DCC: variants seen among roughly 807,000 people sequenced by gnomAD.
The protein encoded by DCC is netrin receptor DCC.
Under a neutral mutation model 172.5 loss-of-function variants are expected in DCC, and 58 were observed. That is an observed-to-expected ratio of 0.34 (90% CI 0.27 to 0.42). DCC has a LOEUF of 0.42. Ranked by LOEUF, DCC falls within the 10% of genes least tolerant of loss-of-function variation. DCC has a pLI of 1.00. For missense variants in DCC, 1,740 were observed against 1,791.0 expected (o/e 0.97, Z 0.51); for synonymous variants, 709 against 644.5 (o/e 1.10, Z -1.52).
intron 12 of DCC, among the ~76,000 whole-genome samples, chr18:53,248,549 C>T (rs2056392232): frequency 6.6e-6 from 1 of 151,994 alleles, no homozygotes; most frequent in African/African-American, 2.4e-5. Context: ...CAATCCTTCT[C>T]CATAGGAGAT....
chr18:53,132,647 T>C (rs1194712832), intron 7 of DCC, among the ~76,000 whole-genome samples: 1 of 152,166 alleles, frequency 6.6e-6, no homozygotes, highest in Non-Finnish European at 1.5e-5. Context: ...TGAGCAGGCA[T>C]GCGGCAGTGA....
At chr18:53,178,875 A>C in intron 8 of DCC, 87 bp from the exon 9 acceptor site, 1 of 1,428,714 alleles carries the variant, frequency 7.0e-7, no homozygotes, top group South Asian at 1.2e-5. Flanking sequence ...CTTTTGGTTC[A>C]CCTCACTACT....
At chr18:53,250,792 A>G (rs916228652) in intron 12 of DCC, among the ~76,000 whole-genome samples, 6 of 151,788 alleles carry the variant, frequency 4.0e-5, no homozygotes, top group Non-Finnish European at 8.8e-5. Context: ...TTTCCTTCAT[A>G]GCAATATTTT....
At position 52,783,299 on chromosome 18, in the gene DCC, C is replaced by T. The variant is rs149602258; in HGVS notation, c.412+30925C>T. 8.3e-3 allele frequency among the ~76,000 whole-genome samples: 1,030 copies of T among 123,832 alleles called. 14 individuals are homozygous for T. The highest frequency in any genetic ancestry group is 0.03 in the African/African-American group (973 of 31,980). 81.2% of individuals were successfully genotyped at this position (123,832 alleles called of 152,430 possible). A position where few individuals can be genotyped will look rare whatever the true frequency, so the allele number is the denominator to read the frequency against. On this transcript the variant is annotated intron_variant, in intron 2 of 28. Transcript: ENST00000442544. ...ACAGTAAGCATATGTTTATCCAGAA[C>T]TAAAAATAATTTATACTACTACTCT...
intron 17 of DCC, among the ~76,000 whole-genome samples, chr18:53,396,643 G>T (rs1347509341): frequency 6.6e-6 from 1 of 152,270 alleles, no homozygotes; most frequent in Non-Finnish European, 1.5e-5. Flanking sequence ...TTTGTCTCAT[G>T]TTCTCTATAA....
chr18:52,964,525 G>A (rs187713630), intron 5 of DCC, among the ~76,000 whole-genome samples: 1 of 151,968 alleles, frequency 6.6e-6, no homozygotes, highest in Non-Finnish European at 1.5e-5. Context: ...TGCCATGTAC[G>A]TCAATCGATC....
At chr18:53,155,889 T>C (rs1323207660) in intron 7 of DCC, among the ~76,000 whole-genome samples, 1 of 152,086 alleles carries the variant, frequency 6.6e-6, no homozygotes, top group African/African-American at 2.4e-5. Flanking sequence ...TAGCCGGGTG[T>C]GGTGGTGTGT....
At chr18:52,768,317 A>C (rs1415822093) in intron 2 of DCC, among the ~76,000 whole-genome samples, 1 of 152,164 alleles carries the variant, frequency 6.6e-6, no homozygotes, top group Admixed American at 6.5e-5. Context: ...ACCTTTTCAC[A>C]CTTTTTCCCT....
chr18:53,034,279 C>G (rs1432183151), intron 5 of DCC, among the ~76,000 whole-genome samples: 2 of 151,986 alleles, frequency 1.3e-5, no homozygotes, highest in Admixed American at 1.3e-4. Flanking sequence ...ATGTTCCATA[C>G]ACATTTGCCT....
At chr18:53,300,230 T>G (rs551887831) in intron 12 of DCC, among the ~76,000 whole-genome samples, 1 of 152,290 alleles carries the variant, frequency 6.6e-6, no homozygotes, top group African/African-American at 2.4e-5. Flanking sequence ...AAAATTTATT[T>G]GCAACTCAAA....
At chr18:52,742,177 C>A (rs909688144) in intron 1 of DCC, among the ~76,000 whole-genome samples, 2 of 152,118 alleles carry the variant, frequency 1.3e-5, no homozygotes, top group African/African-American at 2.4e-5. Context: ...GGAAACAAAT[C>A]TTTTTAAGCC....
At chr18:52,557,280 G>A (rs939025535) in intron 1 of DCC, among the ~76,000 whole-genome samples, 1 of 152,178 alleles carries the variant, frequency 6.6e-6, no homozygotes, top group Non-Finnish European at 1.5e-5. Context: ...TTCTTTAAAT[G>A]TTGCGTCCCA....
intron 1 of DCC, among the ~76,000 whole-genome samples, chr18:52,461,336 T>C (rs143912888): frequency 1.7e-4 from 26 of 152,172 alleles, no homozygotes; most frequent in Admixed American, 3.9e-4. Context: ...TCTTTGGGAA[T>C]ACCCCCCGAA....
intron 1 of DCC, among the ~76,000 whole-genome samples, chr18:52,383,755 A>G (rs924911422): frequency 6.6e-6 from 1 of 151,730 alleles, no homozygotes; most frequent in Non-Finnish European, 1.5e-5. Context: ...TCTCTCTTCA[A>G]TTTGGAGTTT....
chr18:53,031,992 A>G (rs989575598), intron 5 of DCC, among the ~76,000 whole-genome samples: 3 of 152,168 alleles, frequency 2.0e-5, no homozygotes, highest in African/African-American at 4.8e-5. Flanking sequence ...GTGATATTTT[A>G]GCAAATATGC....
intron 7 of DCC, among the ~76,000 whole-genome samples, chr18:53,088,742 A>G (rs2042959162): frequency 6.6e-6 from 1 of 152,156 alleles, no homozygotes; most frequent in Non-Finnish European, 1.5e-5. Flanking sequence ...TTCTTAAACC[A>G]TTGCTACCTG....
chr18:52,797,349 A>ATCTGCACAT (rs1165883056), intron 2 of DCC, among the ~76,000 whole-genome samples: 1 of 152,206 alleles, frequency 6.6e-6, no homozygotes, highest in African/African-American at 2.4e-5. Flanking sequence ...TTATGTTAAT[A>ATCTGCACAT]TCTGCACATC....
intron 8 of DCC, among the ~76,000 whole-genome samples, chr18:53,171,606 T>A (rs765623927): frequency 3.3e-5 from 5 of 152,208 alleles, no homozygotes; most frequent in Non-Finnish European, 7.3e-5. Flanking sequence ...AAATCCAACA[T>A]CCTCTTGTAT....
At chr18:52,635,295 T>C (rs2034752790) in intron 1 of DCC, among the ~76,000 whole-genome samples, 1 of 152,330 alleles carries the variant, frequency 6.6e-6, no homozygotes, top group Admixed American at 6.5e-5. Context: ...TGCAGGGCAA[T>C]TCTTTCTCAC....
Sources: allele counts gnomAD v4.1 joint callset (sites outside exome capture counted in the v4.1 genomes callset), GRCh38; gene constraint gnomAD v4.1.1; transcripts MANE v1.5; gene names NCBI Gene and HGNC (gene_info 2026-07-23, HGNC 2026-07-21).